RP1: variants seen among roughly 807,000 people sequenced by gnomAD.
The protein encoded by RP1 is oxygen-regulated protein 1.
RP1 carries 16 observed loss-of-function variants against 14.8 expected under a neutral mutation model. The observed-to-expected ratio is 1.08, with a 90% CI of 0.73 to 1.65. The LOEUF (loss-of-function observed/expected upper bound fraction) is 1.65. RP1 is among the 40% of genes most tolerant of loss of function. The probability of loss-of-function intolerance (pLI) is 0.00; values close to 1 mark genes in which losing one functional copy is unlikely to be tolerated. For missense variants in RP1, 2,631 were observed against 2,535.0 expected (o/e 1.04, Z -0.81); for synonymous variants, 876 against 883.6 (o/e 0.99, Z 0.15).
chr8:54,712,342 A>C (rs1261811321), intron 15 of RP1, among the ~76,000 whole-genome samples: 2 of 152,168 alleles, frequency 1.3e-5, no homozygotes, highest in Non-Finnish European at 2.9e-5. Flanking sequence ...CTGTGCCAAG[A>C]TGCCATATTT....
At chr8:54,787,853 A>G (rs1259124584) in intron 24 of RP1, among the ~76,000 whole-genome samples, 1 of 152,216 alleles carries the variant, frequency 6.6e-6, no homozygotes, top group African/African-American at 2.4e-5. Flanking sequence ...CAATGAGAAG[A>G]CCTATATTTG....
chr8:54,856,783 A>G (rs1054004954), intron 26 of RP1, among the ~76,000 whole-genome samples: 2 of 152,222 alleles, frequency 1.3e-5, no homozygotes, highest in Non-Finnish European at 2.9e-5. Context: ...TAAATCTCCT[A>G]ATTACGTTCT....
At chr8:54,863,043 G>GAATA (rs1812381394) in intron 27 of RP1, among the ~76,000 whole-genome samples, 4 of 42,804 alleles carry the variant, frequency 9.3e-5, no homozygotes, top group African/African-American at 3.5e-4. Flanking sequence ...TATTCCAAAT[G>GAATA]GATATATATA....
rs373608732 is a variant in RP1, at chr8:54,768,140, C to T, written c.3249-1601C>T. On this transcript the variant is annotated intron_variant, in intron 22 of 22. Transcript: ENST00000636932. ...CCAGCAGCCTCCTGTGCGTCAGCCA[C>T]GTGGAATCTCATTGGACTCTGTACC... is the stretch of plus-strand genomic sequence containing the variant. 6.5e-4 allele frequency among the ~76,000 whole-genome samples: 99 copies of T among 152,354 alleles called. 1 individual carries two copies. Among genetic ancestry groups the T allele is most frequent in the African/African-American group, 1.7e-3 (72 of 41,592 alleles).
exon 22 of RP1, chr8:54,759,069 T>G: frequency 6.5e-7 from 1 of 1,534,848 alleles, no homozygotes; most frequent in Admixed American, 2.0e-5. Context: ...CATCTTTACC[T>G]GTCAAAGGTA....
At chr8:54,680,031 TA>T (rs1336821994) in intron 12 of RP1, 4 of 1,417,950 alleles carry the variant, frequency 2.8e-6, no homozygotes, top group Non-Finnish European at 3.7e-6. Context: ...TTGTTCTTTT[TA>T]CAGATGGCTT....
At chr8:54,739,979 A>G (rs1403626798) in intron 19 of RP1, among the ~76,000 whole-genome samples, 1 of 151,996 alleles carries the variant, frequency 6.6e-6, no homozygotes, top group African/African-American at 2.4e-5. Context: ...TAGCATATTC[A>G]ATTATGTACA....
At chr8:54,801,242 C>A (rs933377672) in intron 24 of RP1, among the ~76,000 whole-genome samples, 1 of 152,168 alleles carries the variant, frequency 6.6e-6, no homozygotes, top group Non-Finnish European at 1.5e-5. Context: ...CAGCTCACAG[C>A]TGTATTCCAC....
intron 24 of RP1, among the ~76,000 whole-genome samples, chr8:54,816,829 C>T (rs1299674072): frequency 1.3e-5 from 2 of 152,134 alleles, no homozygotes; most frequent in Non-Finnish European, 2.9e-5. Context: ...TCTGTGCTTC[C>T]CCCAGGTCCC....
At chr8:54,758,823 C>T (rs1269782601) in intron 21 of RP1, 6 of 1,246,188 alleles carry the variant, frequency 4.8e-6, no homozygotes, top group South Asian at 4.3e-5. Context: ...AAGTATTGTG[C>T]TGCTTCTGGC....
At chr8:54,734,705 A>G (rs1439778427) in exon 18 of RP1, 1 of 1,535,152 alleles carries the variant, frequency 6.5e-7, no homozygotes, top group Non-Finnish European at 8.7e-7. Flanking sequence ...AGGACAGCTC[A>G]GAGCAGCTCT....
chr8:54,597,694 T>C (rs1218692104), intron 1 of RP1, among the ~76,000 whole-genome samples: 1 of 152,192 alleles, frequency 6.6e-6, no homozygotes, highest in Non-Finnish European at 1.5e-5. Flanking sequence ...TAAAACATAG[T>C]TGAACCTCAA....
intron 22 of RP1, among the ~76,000 whole-genome samples, chr8:54,769,218 A>G (rs895690216): frequency 6.6e-6 from 1 of 152,104 alleles, no homozygotes; most frequent in African/African-American, 2.4e-5. Context: ...TTTTGCAAAC[A>G]CTGAGGAAGA....
chr8:54,575,696 T>C (rs1249663073), intron 1 of RP1, among the ~76,000 whole-genome samples: 1 of 152,206 alleles, frequency 6.6e-6, no homozygotes, highest in African/African-American at 2.4e-5. Context: ...ATAGGTAAAC[T>C]TGTGTCATGG....
intron 19 of RP1, among the ~76,000 whole-genome samples, chr8:54,740,680 C>T (rs1010656883): frequency 6.6e-6 from 1 of 151,700 alleles, no homozygotes; most frequent in Admixed American, 6.6e-5. Context: ...CAAGATCACA[C>T]CACTGCGTTC....
chr8:54,817,516 A>G (rs1396243809), intron 24 of RP1, among the ~76,000 whole-genome samples: 1 of 152,220 alleles, frequency 6.6e-6, no homozygotes, highest in Non-Finnish European at 1.5e-5. Context: ...AGAGAGTGGT[A>G]GGGAATGAAA....
intron 1 of RP1, among the ~76,000 whole-genome samples, chr8:54,597,679 T>G (rs779025433): frequency 6.6e-6 from 1 of 152,186 alleles, no homozygotes; most frequent in African/African-American, 2.4e-5. Context: ...TGTACTGATA[T>G]ATGCTAAAAC....
intron 19 of RP1, among the ~76,000 whole-genome samples, chr8:54,740,403 T>TAAA (rs34753388): frequency 3.7e-5 from 3 of 80,244 alleles, no homozygotes; most frequent in Non-Finnish European, 4.9e-5. Context: ...GCTTAAAAAG[T>TAAA]AAAAAAAAAA....
chr8:54,561,819 T>C (rs1804291902), intron 1 of RP1: 1 of 152,238 alleles, frequency 6.6e-6, no homozygotes, highest in Non-Finnish European at 1.5e-5. Flanking sequence ...TTGGTGAATA[T>C]TGTATTTCAA....
Sources: gnomAD v4.1 joint callset for allele counts (sites outside exome capture counted in the v4.1 genomes callset) on GRCh38, gnomAD v4.1.1 for gene constraint, MANE v1.5 for transcripts, NCBI Gene and HGNC (gene_info 2026-07-23, HGNC 2026-07-21) for gene names.